Variants in DGKI observed in about 807,000 individuals in gnomAD.
DGKI encodes diacylglycerol kinase iota, also known as DAG kinase iota.
Under a neutral mutation model 147.5 loss-of-function variants are expected in DGKI, and 55 were observed. The observed-to-expected ratio is 0.37, with a 90% confidence interval of 0.30 to 0.47. DGKI has a LOEUF of 0.47. Among genes scored for constraint, DGKI ranks in the 20% least tolerant of loss-of-function variants. The probability of loss-of-function intolerance (pLI) is 1.00; values close to 1 mark genes in which losing one functional copy is unlikely to be tolerated. For synonymous variants in DGKI, 469 were observed against 477.1 expected (o/e 0.98, Z 0.22); for missense variants, 1,007 against 1,323.8 (o/e 0.76, Z 3.71).
chr7:137,423,637 C>G (rs1338727298), intron 28 of DGKI, among the ~76,000 whole-genome samples: 1 of 152,138 alleles, frequency 6.6e-6, no homozygotes, highest in South Asian at 2.1e-4. Flanking sequence ...TGACTAGCAG[C>G]AAACTGACCA....
chr7:137,644,808 C>G (rs929644468), intron 6 of DGKI, among the ~76,000 whole-genome samples: 17 of 152,238 alleles, frequency 1.1e-4, no homozygotes, highest in Admixed American at 9.8e-4. Context: ...TAAAGTAGAT[C>G]TTTGTACATT....
intron 1 of DGKI, among the ~76,000 whole-genome samples, chr7:137,702,760 T>A (rs1450279920): frequency 1.3e-5 from 2 of 152,198 alleles, no homozygotes; most frequent in Non-Finnish European, 2.9e-5. Context: ...TAATGTGCCA[T>A]GTCTGACATT....
intron 21 of DGKI, among the ~76,000 whole-genome samples, chr7:137,488,657 A>C (rs1020387841): frequency 6.6e-6 from 1 of 152,332 alleles, no homozygotes; most frequent in East Asian, 1.9e-4. Flanking sequence ...GTGTTCTCTA[A>C]GAATTTTTTA....
intron 28 of DGKI, among the ~76,000 whole-genome samples, chr7:137,435,076 A>G (rs1813230831): frequency 6.6e-6 from 1 of 152,202 alleles, no homozygotes; most frequent in Admixed American, 6.5e-5. Flanking sequence ...TGAGGCTGCA[A>G]TGGGATTCAA....
At chr7:137,529,411 A>C (rs1488137494) in intron 20 of DGKI, among the ~76,000 whole-genome samples, 1 of 152,146 alleles carries the variant, frequency 6.6e-6, no homozygotes, top group Non-Finnish European at 1.5e-5. Flanking sequence ...CAGAATAGGG[A>C]CCACTCAAAA....
intron 29 of DGKI, 99 bp from the exon 30 acceptor site, chr7:137,408,094 G>A: frequency 7.0e-7 from 1 of 1,433,526 alleles, no homozygotes; most frequent in South Asian, 1.3e-5. Context: ...AGACCACAAT[G>A]TTTCCAGCCT....
intron 3 of DGKI, among the ~76,000 whole-genome samples, chr7:137,662,697 GA>G (rs201991426): frequency 0.036 from 5,422 of 152,216 alleles, 299 homozygotes; most frequent in African/African-American, 0.12. Context: ...CAATTGCAGA[GA>G]GACCTCACTC....
chr7:137,641,518 T>C (rs866406617), intron 6 of DGKI, among the ~76,000 whole-genome samples: 6 of 152,340 alleles, frequency 3.9e-5, no homozygotes, highest in African/African-American at 1.4e-4. Flanking sequence ...ATGCACAAGA[T>C]TATTTAAAAT....
intron 1 of DGKI, among the ~76,000 whole-genome samples, chr7:137,823,056 C>T (rs1797949201): frequency 6.8e-6 from 1 of 147,058 alleles, no homozygotes; most frequent in Non-Finnish European, 1.5e-5. Flanking sequence ...TATTCTCCCC[C>T]AACCCAAAAA....
chr7:137,651,971 T>C (rs991813358), intron 5 of DGKI, among the ~76,000 whole-genome samples: 3 of 151,936 alleles, frequency 2.0e-5, no homozygotes, highest in East Asian at 1.9e-4. Context: ...ATGGGTAGAG[T>C]AGATATCAGA....
chr7:137,654,828 G>T, intron 4 of DGKI, 40 bp from the exon 5 acceptor site: 1 of 1,311,336 alleles, frequency 7.6e-7, no homozygotes, highest in Non-Finnish European at 1.1e-6. Context: ...TTAGAGATAA[G>T]CATCAGACTA....
At chr7:137,517,194 AAAAGAAAAGAAAAGT>A (rs1442900166) in intron 21 of DGKI, among the ~76,000 whole-genome samples, 12 of 150,302 alleles carry the variant, frequency 8.0e-5, no homozygotes, top group East Asian at 5.8e-4. Context: ...TAAGAAAAAG[AAAAGAAAAGAAAAGT>A]AAAGAAAAGA....
chr7:137,840,981 A>T (rs1798527755), intron 1 of DGKI, among the ~76,000 whole-genome samples: 1 of 152,262 alleles, frequency 6.6e-6, no homozygotes. Context: ...TAAATAAAGT[A>T]ACTCATTTAA....
chr7:137,580,992 C>A (rs1174771512), intron 15 of DGKI, among the ~76,000 whole-genome samples: 1 of 151,820 alleles, frequency 6.6e-6, no homozygotes, highest in African/African-American at 2.4e-5. Flanking sequence ...TAGATACAGG[C>A]ATAGACATGG....
intron 7 of DGKI, among the ~76,000 whole-genome samples, chr7:137,622,946 AC>A: frequency 6.6e-6 from 1 of 152,244 alleles, no homozygotes; most frequent in Middle Eastern, 3.2e-3. Context: ...CAATGAGTGT[AC>A]AGACAACATC....
At chr7:137,525,046 G>C (rs1456503898) in intron 20 of DGKI, among the ~76,000 whole-genome samples, 1 of 152,068 alleles carries the variant, frequency 6.6e-6, no homozygotes, top group Non-Finnish European at 1.5e-5. Context: ...GTTGTCTCCT[G>C]AACCTCTGGC....
intron 19 of DGKI, among the ~76,000 whole-genome samples, chr7:137,566,949 T>A (rs569178617): frequency 9.9e-6 from 1 of 100,718 alleles, no homozygotes; most frequent in South Asian, 3.8e-4. Context: ...TTTACCTAGC[T>A]ATCTAGGTAA....
intron 1 of DGKI, among the ~76,000 whole-genome samples, chr7:137,747,838 A>G (rs1795385956): frequency 6.6e-6 from 1 of 152,214 alleles, no homozygotes; most frequent in African/African-American, 2.4e-5. Context: ...CTCACTATCC[A>G]GGCTCTACTC....
chr7:137,674,424 T>A (rs1822956331), intron 3 of DGKI, among the ~76,000 whole-genome samples: 1 of 152,196 alleles, frequency 6.6e-6, no homozygotes, highest in Non-Finnish European at 1.5e-5. Flanking sequence ...GTTTTAGTTT[T>A]ACATAGATGC....
Sources: allele counts gnomAD v4.1 joint callset (sites outside exome capture counted in the v4.1 genomes callset), GRCh38; gene constraint gnomAD v4.1.1; transcripts MANE v1.5; gene names NCBI Gene and HGNC (gene_info 2026-07-23, HGNC 2026-07-21).